The following COL15A1 variants were observed in gnomAD, a reference collection of about 807,000 sequenced individuals.
COL15A1 encodes the protein collagen alpha-1(XV) chain.
Under a neutral mutation model 165.9 loss-of-function variants are expected in COL15A1, and 111 were observed. The ratio of observed to expected loss-of-function variants is 0.67; its 90% CI spans 0.57 to 0.78. The LOEUF is 0.78. Among genes scored for constraint, COL15A1 ranks in the 30% least tolerant of loss-of-function variants. COL15A1 has a pLI of 0.00. For missense variants in COL15A1, 1,745 were observed against 1,789.7 expected, an observed-to-expected ratio of 0.98 and a Z score of 0.45; for synonymous variants, 659 against 674.8, an observed-to-expected ratio of 0.98 and a Z score of 0.36.
intron 16 of COL15A1, among the ~76,000 whole-genome samples, chr9:99,028,825 C>CA (rs1276859078): frequency 2.0e-5 from 3 of 152,036 alleles, no homozygotes; most frequent in African/African-American, 4.8e-5. Flanking sequence ...ATCTGTTCCC[C>CA]AAAAAACGTA....
intron 40 of COL15A1, among the ~76,000 whole-genome samples, chr9:99,067,994 G>A (rs1825923031): frequency 6.6e-6 from 1 of 152,164 alleles, no homozygotes. Flanking sequence ...ATTGGAAGGA[G>A]GCTTGTATAC....
Position 99,062,386 on chromosome 9 carries a change from C to T in COL15A1, c.3591+82C>T. The stretch of plus-strand genomic sequence containing the variant: ...CCTCCTTGGTATCTAGCACCAAGCT[C>T]TCCAAACTCTGGACAGTCAGCTGTG... On this transcript the variant is annotated intron_variant, in intron 38 of 41. Transcript: ENST00000375001. 3 of 1,022,436 alleles carry T rather than the reference C, an allele frequency of 2.9e-6. No homozygotes were observed. In the South Asian group the frequency reaches 3.8e-5, roughly 13 times the overall value. 63.3% of individuals were successfully genotyped at this position (1,022,436 alleles called of 1,614,324 possible).
rs1190030237 is a variant in COL15A1 at position 99,069,872 on chromosome 9, G to A, written c.4153G>A (p.Asp1385Asn). 1 of 1,611,320 alleles carries A rather than the reference G, an allele frequency of 6.2e-7. No individual in the cohort carries two copies. The highest frequency in any genetic ancestry group is 1.7e-4 in the Middle Eastern group (1 of 6,054). The change falls in exon 42 of 42, where the codon GAC becomes AAC. Residue 1385 changes from aspartate to asparagine, a missense_variant. Asp to Asn is a conservative substitution (Grantham distance 23). Transcript: ENST00000375001. ...VLCIENSFMT[D>N]ARK ...ATGTATCGAAAACAGTTTCATGACA[G>A]ACGCTAGGAAGTAATGGCCTTCTGA...
chr9:98,954,883 C>T (rs1027169619), intron 2 of COL15A1, among the ~76,000 whole-genome samples: 3 of 152,200 alleles, frequency 2.0e-5, no homozygotes, highest in African/African-American at 7.2e-5. Flanking sequence ...AAATGGTGGC[C>T]TTACTCAAAA....
intron 2 of COL15A1, among the ~76,000 whole-genome samples, chr9:98,962,743 A>G (rs1440718216): frequency 3.9e-5 from 6 of 152,188 alleles, no homozygotes; most frequent in African/African-American, 1.4e-4. Context: ...GGATACATGG[A>G]CATTTTCTGT....
rs1825720032 is a variant in COL15A1, at chr9:99,056,350, C to A, written c.3283C>A (p.Pro1095Thr). Residue 1095 changes from proline (P) to threonine (T), a missense_variant, in exon 35 of 42, where the codon CCT (proline) becomes ACT (threonine). Physicochemically the swap from Pro to Thr is conservative, Grantham distance 38. Coordinates refer to ENST00000375001, the MANE Select transcript of COL15A1 (RefSeq NM_001855.5). ...ACCTGGCTTTGGAAGACCTGGTGAT[C>A]CTGGGCCACCGGGGCCCCCGGGGCC... is the stretch of plus-strand genomic sequence containing the variant. ...GPPGFGRPGDPGPPGPPGPPG... is the reference protein window; with the variant it reads ...GPPGFGRPGDTGPPGPPGPPG... The A allele has an allele frequency of 6.2e-7, 1 of 1,613,510 alleles. No individual in the cohort carries two copies. Among genetic ancestry groups the A allele is most frequent in the African/African-American group, 1.3e-5 (1 of 74,890 alleles).
At chr9:99,035,516 A>G in intron 19 of COL15A1, 98 bp downstream of exon 19, 1 of 1,462,418 alleles carries the variant, frequency 6.8e-7, no homozygotes, top group Non-Finnish European at 9.5e-7. Context: ...ACTTTCAATA[A>G]CTCACCTTCT....
At chr9:99,023,072 C>T (rs916002785) in intron 13 of COL15A1, among the ~76,000 whole-genome samples, 7 of 151,932 alleles carry the variant, frequency 4.6e-5, no homozygotes, top group African/African-American at 1.5e-4. Context: ...GGGAGGGCTT[C>T]GTGTAGGAGG....
At chr9:98,978,077 C>T (rs1838170284) in intron 2 of COL15A1, among the ~76,000 whole-genome samples, 1 of 152,336 alleles carries the variant, frequency 6.6e-6, no homozygotes, top group East Asian at 1.9e-4. Context: ...TGCTTGGCTG[C>T]CCCATCTGTT....
chr9:99,011,791 A>G (rs1343151871), intron 9 of COL15A1, among the ~76,000 whole-genome samples: 5 of 152,204 alleles, frequency 3.3e-5, no homozygotes, highest in Non-Finnish European at 5.9e-5. Flanking sequence ...TATTTTTAAT[A>G]CTGTACCTAG....
At chr9:98,948,302 A>T (rs974178280) in intron 2 of COL15A1, among the ~76,000 whole-genome samples, 9 of 152,138 alleles carry the variant, frequency 5.9e-5, no homozygotes, top group Admixed American at 3.3e-4. Flanking sequence ...CATCCTGTTT[A>T]AAGACACACT....
In COL15A1 at chr9:99,033,472, G is replaced by A. The variant is rs533791686; in HGVS notation, c.2044-1077G>A. Among the ~76,000 whole-genome samples, 213 of 152,246 alleles carry A rather than the reference G, an allele frequency of 1.4e-3. 1 individual carries two copies. The highest frequency in any genetic ancestry group is 4.7e-3 in the African/African-American group (195 of 41,528). Reference sequence around the variant, plus strand: ...ACCTATCTACCTTCTGGGGCCCAGGGGCCACATCATGCACCTGACTTCCAT... The same window carrying A: ...ACCTATCTACCTTCTGGGGCCCAGGAGCCACATCATGCACCTGACTTCCAT... On this transcript the variant is annotated intron_variant, in intron 16 of 41. Transcript: ENST00000375001.
intron 2 of COL15A1, among the ~76,000 whole-genome samples, chr9:98,972,092 C>A (rs1044304737): frequency 6.6e-6 from 1 of 152,152 alleles, no homozygotes; most frequent in Non-Finnish European, 1.5e-5. Context: ...AGGGTTCTCA[C>A]TGTGTTGTCC....
intron 39 of COL15A1, among the ~76,000 whole-genome samples, chr9:99,065,602 G>A (rs1366182012): frequency 6.6e-6 from 1 of 150,454 alleles, no homozygotes. Context: ...TGCTGGGGAA[G>A]CCTTGGCTCA....
intron 16 of COL15A1, 78 bp from the exon 17 acceptor site, chr9:99,034,471 T>C: frequency 6.6e-7 from 1 of 1,521,194 alleles, no homozygotes; most frequent in East Asian, 2.3e-5. Flanking sequence ...TTGGAGTCCA[T>C]AATTGTGCAT....
chr9:98,954,510 A>AT (rs920079874), intron 2 of COL15A1, among the ~76,000 whole-genome samples: 5 of 152,110 alleles, frequency 3.3e-5, no homozygotes, highest in African/African-American at 9.7e-5. Flanking sequence ...CGTCTCTAAT[A>AT]TTTTTTGTGT....
At chr9:99,066,856 G>T (rs1467422436) in intron 39 of COL15A1, 26 bp from the exon 40 acceptor site, 1 of 1,597,676 alleles carries the variant, frequency 6.3e-7, no homozygotes. Context: ...GATTCTGACT[G>T]CTCTCTTTTG....
chr9:98,960,388 A>C (rs558964594), intron 2 of COL15A1, among the ~76,000 whole-genome samples: 1 of 152,276 alleles, frequency 6.6e-6, no homozygotes, highest in African/African-American at 2.4e-5. Flanking sequence ...TGGGTGACAA[A>C]GGGAGACTCT....
chr9:98,971,487 G>A lies in COL15A1; in HGVS notation c.101-14078G>A, dbSNP rs116634855. Among the ~76,000 whole-genome samples the A allele has an allele frequency of 7.6e-4, 116 of 152,070 alleles. 1 individual carries two copies. The highest frequency in any genetic ancestry group is 2.7e-3 in the African/African-American group (111 of 41,482). On this transcript the variant is annotated intron_variant, in intron 2 of 41. Coordinates refer to ENST00000375001, the MANE Select transcript of COL15A1 (RefSeq NM_001855.5). ...CCGTACACCGAGAAGAGCTGACAAC[G>A]AAACTCTTCCCAGATGCCCATGGGT...
Sources: allele counts gnomAD v4.1 joint callset (sites outside exome capture counted in the v4.1 genomes callset), GRCh38; gene constraint gnomAD v4.1.1; transcripts MANE v1.5; gene names NCBI Gene and HGNC (gene_info 2026-07-23, HGNC 2026-07-21).